The following IL3RA variants were observed in gnomAD, a reference collection of about 807,000 sequenced individuals.
The protein encoded by IL3RA is interleukin-3 receptor subunit alpha.
Under a neutral mutation model 52.3 loss-of-function variants are expected in IL3RA, and 73 were observed. That is an observed-to-expected ratio of 1.40 (90% CI 1.16 to 1.70). The LOEUF is 1.70. Among genes scored for constraint, IL3RA ranks in the 40% most tolerant of loss-of-function variants. The pLI, the probability that IL3RA is intolerant of heterozygous loss-of-function variation, is 0.00. For missense variants in IL3RA, 664 were observed against 504.4 expected, an observed-to-expected ratio of 1.32 and a Z score of -3.03; for synonymous variants, 260 against 194.0, an observed-to-expected ratio of 1.34 and a Z score of -2.83.
rs757722535 is a variant in IL3RA, at chrX:1,341,486, A to C, written c.-38-242A>C. On this transcript the variant is annotated intron_variant, in intron 1 of 11. Coordinates refer to ENST00000331035, the MANE Select transcript of IL3RA (RefSeq NM_002183.4). ...CATGGCTACATAGAGGCATGCACAC[A>C]TATAGACCCATGTACACACACACGA... Among the ~76,000 whole-genome samples, 4 of 152,306 alleles carry C rather than the reference A, an allele frequency of 2.6e-5. No homozygotes were observed. In the South Asian group the frequency reaches 8.3e-4, roughly 32 times the overall value.
At chrX:1,350,765 G>A (rs1453108534) in intron 4 of IL3RA, among the ~76,000 whole-genome samples, 1 of 150,468 alleles carries the variant, frequency 6.6e-6, no homozygotes, top group African/African-American at 2.4e-5. Flanking sequence ...CAGGGGTGGT[G>A]GCACATGCCT....
intron 4 of IL3RA, among the ~76,000 whole-genome samples, chrX:1,349,283 G>A (rs1203751756): frequency 6.6e-6 from 1 of 151,342 alleles, no homozygotes; most frequent in Non-Finnish European, 1.5e-5. Context: ...CCGGGTTCAA[G>A]CGATTCTCCT....
chrX:1,382,438 TG>T lies in IL3RA; in HGVS notation c.1111del (p.Glu371LysfsTer46). ...KAGLEECLVT[E>X]VQVVQKT ...CCGGCCTGGAGGAGTGTCTGGTGAC[TG>T]AAGTACAGGTCGTGCAGAAAACTTG... is the stretch of plus-strand genomic sequence containing the variant. On this transcript the variant is annotated frameshift_variant, in exon 12 of 12. Transcript: ENST00000331035. LOFTEE classifies it high-confidence loss of function. The T allele has an allele frequency of 6.2e-7, 1 of 1,613,886 alleles. No individual in the cohort carries two copies. The highest frequency in any genetic ancestry group is 1.7e-4 in the Middle Eastern group (1 of 6,050).
At chrX:1,339,425 T>C (rs1790017896) in intron 1 of IL3RA, among the ~76,000 whole-genome samples, 1 of 152,156 alleles carries the variant, frequency 6.6e-6, no homozygotes, top group Non-Finnish European at 1.5e-5. Flanking sequence ...GGGCTCAGCT[T>C]TTTCCAGGCT....
chrX:1,380,160 C>T (rs1331952889), intron 10 of IL3RA, among the ~76,000 whole-genome samples: 1 of 151,740 alleles, frequency 6.6e-6, no homozygotes, highest in Non-Finnish European at 1.5e-5. Context: ...TCCCAAAGTG[C>T]TGGGATGACA....
At chrX:1,345,006 C>CAAAAG (rs1396243200) in intron 2 of IL3RA, among the ~76,000 whole-genome samples, 1 of 138,732 alleles carries the variant, frequency 7.2e-6, no homozygotes, top group Non-Finnish European at 1.5e-5. Flanking sequence ...ACTAAAAATA[C>CAAAAG]AAAAAAAAAA....
At chrX:1,382,325 G>T (rs1181107157) in intron 11 of IL3RA, 66 bp from the exon 12 acceptor site, 2 of 1,045,100 alleles carry the variant, frequency 1.9e-6, no homozygotes, top group Non-Finnish European at 2.6e-6. Flanking sequence ...GGCCCCCGCA[G>T]ATCAGGACGT....
At chrX:1,349,879 C>G (rs1434646128) in intron 4 of IL3RA, among the ~76,000 whole-genome samples, 2 of 149,438 alleles carry the variant, frequency 1.3e-5, no homozygotes, top group East Asian at 4.2e-4. Flanking sequence ...GTCTCGAACT[C>G]CTGACCTTGT....
Position 1,348,546 on chromosome X carries a change from G to C in IL3RA, c.298+1G>C, listed in dbSNP as rs752134921. ...ACGTGGATCCTCTTCCCTGAGAACAGTGAGAAAAATGTTCATTGTTTGTTT... is the reference window on the plus strand; with the variant it reads ...ACGTGGATCCTCTTCCCTGAGAACACTGAGAAAAATGTTCATTGTTTGTTT... On this transcript the variant is annotated splice_donor_variant, in intron 4 of 11. Transcript: ENST00000331035. LOFTEE classifies it high-confidence loss of function. The C allele has an allele frequency of 5.0e-6, 8 of 1,606,760 alleles. 1 individual carries two copies. Among genetic ancestry groups the C allele is most frequent in the South Asian group, 4.4e-5 (4 of 90,958 alleles).
intron 2 of IL3RA, among the ~76,000 whole-genome samples, chrX:1,343,674 A>AT (rs1569519440): frequency 6.6e-5 from 10 of 150,478 alleles, no homozygotes; most frequent in African/African-American, 2.2e-4. Context: ...CTCAAAAAAA[A>AT]AAAAAAAAAA....
intron 3 of IL3RA, 96 bp downstream of exon 3, chrX:1,345,530 C>A: frequency 1.2e-6 from 1 of 858,624 alleles, no homozygotes; most frequent in Non-Finnish European, 1.6e-6. Context: ...TGCTCTGTCG[C>A]CCAGGCTGGA....
intron 8 of IL3RA, among the ~76,000 whole-genome samples, chrX:1,363,529 C>T (rs1310116641): frequency 6.6e-6 from 1 of 151,240 alleles, no homozygotes; most frequent in Non-Finnish European, 1.5e-5. Flanking sequence ...ACCTTGTGAT[C>T]TGCCCGCCTT....
Position 1,352,343 on chromosome X carries a change from T to C in IL3RA, c.453T>C (p.Cys151=), listed in dbSNP as rs778437020. Reference sequence around the variant, plus strand: ...GCAGCAGGCGTCAACAGTACGAGTGTCTTCACTACAAAACGGATGCTCAGG... The same window carrying C: ...GCAGCAGGCGTCAACAGTACGAGTGCCTTCACTACAAAACGGATGCTCAGG... ...NVANRRQQYE[C]LHYKTDAQGT... Residue 151 remains cysteine, a synonymous_variant, in exon 6 of 12, where the codon TGT becomes TGC. Transcript: ENST00000331035. 4.3e-6 allele frequency: 7 copies of C among 1,613,732 alleles called. No individual in the cohort carries two copies. In the African/African-American group the frequency reaches 8.0e-5, roughly 18 times the overall value.
At chrX:1,356,154 AAG>A (rs2086686273) in intron 6 of IL3RA, 65 bp from the exon 7 acceptor site, 5 of 1,051,852 alleles carry the variant, frequency 4.8e-6, no homozygotes, top group Non-Finnish European at 7.2e-6. Context: ...CAGAAAAAAA[AAG>A]AGAAAAAGAA....
At chrX:1,348,360 A>T in intron 3 of IL3RA, 71 bp from the exon 4 acceptor site, 2 of 1,258,468 alleles carry the variant, frequency 1.6e-6, no homozygotes, top group South Asian at 1.2e-5. Flanking sequence ...CCTCAAAAAA[A>T]ATCTGAACAT....
intron 8 of IL3RA, among the ~76,000 whole-genome samples, chrX:1,363,402 G>A (rs1265861940): frequency 3.3e-5 from 5 of 150,326 alleles, no homozygotes; most frequent in Admixed American, 6.7e-5. Flanking sequence ...CCGGGTTCCC[G>A]CCACTCTCCT....
chrX:1,348,734 CTTTCTT>C (rs1487619075), intron 4 of IL3RA, among the ~76,000 whole-genome samples, 189 bp downstream of exon 4: 4 of 104,544 alleles, frequency 3.8e-5, no homozygotes, highest in Non-Finnish European at 8.1e-5. Context: ...CTTTCTTTTT[CTTTCTT>C]TCTTTCCTTC....
At chrX:1,347,578 C>T (rs1259595481) in intron 3 of IL3RA, among the ~76,000 whole-genome samples, 2 of 151,230 alleles carry the variant, frequency 1.3e-5, no homozygotes, top group African/African-American at 4.9e-5. Flanking sequence ...GAGATCGCAC[C>T]ACTGAAGTCT....
chrX:1,357,642 G>A (rs1405359095), intron 7 of IL3RA, among the ~76,000 whole-genome samples: 12 of 151,976 alleles, frequency 7.9e-5, no homozygotes, highest in Admixed American at 3.9e-4. Flanking sequence ...GATTACAGGC[G>A]TGAGGCACTG....
Sources: gnomAD v4.1 joint callset for allele counts (sites outside exome capture counted in the v4.1 genomes callset) on GRCh38, gnomAD v4.1.1 for gene constraint, MANE v1.5 for transcripts, NCBI Gene and HGNC (gene_info 2026-07-23, HGNC 2026-07-21) for gene names.